The following ELP4 variants were observed in gnomAD, a reference collection of about 807,000 sequenced individuals.
The protein encoded by ELP4 is elongator complex protein 4.
A neutral mutation model predicts 48.9 loss-of-function variants in ELP4; 51 were observed. That is an observed-to-expected ratio of 1.04 (90% CI 0.83 to 1.32). The LOEUF is 1.32. Among genes scored for constraint, ELP4 ranks in the 40% most tolerant of loss-of-function variants. The pLI is 0.00. For synonymous variants in ELP4, 210 were observed against 189.2 expected (o/e 1.11, Z -0.90); for missense variants, 519 against 514.6 (o/e 1.01, Z -0.08).
intron 9 of ELP4, chr11:31,651,095 C>G (rs1480082955): frequency 6.6e-6 from 1 of 151,694 alleles, no homozygotes; most frequent in African/African-American, 2.4e-5. Flanking sequence ...AAATGATGGT[C>G]AATGTGGCTT....
At chr11:31,544,017 G>A (rs1332820062) in intron 3 of ELP4, among the ~76,000 whole-genome samples, 3 of 152,216 alleles carry the variant, frequency 2.0e-5, no homozygotes, top group Non-Finnish European at 4.4e-5. Context: ...GATCGGGGAG[G>A]AGCCAAGATG....
intron 2 of ELP4, among the ~76,000 whole-genome samples, chr11:31,526,478 C>A (rs553866296): frequency 7.2e-5 from 11 of 151,980 alleles, no homozygotes; most frequent in Admixed American, 1.3e-4. Flanking sequence ...TTTAAACCTT[C>A]AAACATCTAA....
chr11:31,596,929 C>T (rs952225602), intron 4 of ELP4, among the ~76,000 whole-genome samples: 1 of 151,902 alleles, frequency 6.6e-6, no homozygotes, highest in East Asian at 1.9e-4. Flanking sequence ...GAGAGAAATT[C>T]AAATGAAAAC....
intron 9 of ELP4, among the ~76,000 whole-genome samples, chr11:31,736,077 A>G (rs1171735884): frequency 2.6e-5 from 4 of 152,230 alleles, no homozygotes; most frequent in South Asian, 4.1e-4. Flanking sequence ...TTCAAACTAT[A>G]CTACAAGGCT....
At chr11:31,670,844 G>C (rs1413518383) in intron 9 of ELP4, among the ~76,000 whole-genome samples, 1 of 151,138 alleles carries the variant, frequency 6.6e-6, no homozygotes. Context: ...TTTTCATAAG[G>C]TTATTTTTTT....
At chr11:31,642,306 A>T (rs1945115513) in intron 7 of ELP4, among the ~76,000 whole-genome samples, 1 of 151,948 alleles carries the variant, frequency 6.6e-6, no homozygotes, top group African/African-American at 2.4e-5. Flanking sequence ...TATAAACAAT[A>T]TTTCTGAAAG....
At chr11:31,605,465 A>C (rs181452991) in intron 5 of ELP4, among the ~76,000 whole-genome samples, 1 of 152,230 alleles carries the variant, frequency 6.6e-6, no homozygotes, top group Admixed American at 6.5e-5. Context: ...AATAATAGTA[A>C]AGAGTGGAAC....
chr11:31,530,556 G>A lies in ELP4; in HGVS notation c.260-9106G>A, dbSNP rs184219979. Among the ~76,000 whole-genome samples the A allele has an allele frequency of 1.4e-3, 219 of 152,034 alleles. 2 individuals are homozygous for A. The highest frequency in any genetic ancestry group is 1.3e-4 in the Non-Finnish European group (9 of 67,958). On this transcript the variant is annotated intron_variant, in intron 2 of 9. Coordinates refer to ENST00000640961, the MANE Select transcript of ELP4 (RefSeq NM_019040.5). ...AAATTAGACAATTATAAAATAATTGGTGTTGGAGAGCAGTCTTGGTGGAGT... is the reference window on the plus strand; with the variant it reads ...AAATTAGACAATTATAAAATAATTGATGTTGGAGAGCAGTCTTGGTGGAGT...
At chr11:31,716,010 G>GT (rs1180118452) in intron 9 of ELP4, among the ~76,000 whole-genome samples, 10 of 151,452 alleles carry the variant, frequency 6.6e-5, no homozygotes, top group Admixed American at 6.6e-4. Flanking sequence ...GTACAAGGAG[G>GT]TTTGTTTGTT....
chr11:31,643,952 A>G (rs983579522), intron 7 of ELP4, among the ~76,000 whole-genome samples: 4 of 151,832 alleles, frequency 2.6e-5, no homozygotes, highest in African/African-American at 9.7e-5. Flanking sequence ...TTATGTTGCA[A>G]CAGAAAACTT....
intron 9 of ELP4, chr11:31,651,583 A>G (rs529945721): frequency 1.3e-5 from 2 of 151,964 alleles, no homozygotes; most frequent in East Asian, 3.9e-4. Context: ...TTCTGACAGA[A>G]TACTGAGTAA....
At chr11:31,555,913 G>T (rs1956923896) in intron 3 of ELP4, among the ~76,000 whole-genome samples, 2 of 151,924 alleles carry the variant, frequency 1.3e-5, no homozygotes, top group Non-Finnish European at 2.9e-5. Flanking sequence ...AAGAGATACA[G>T]TGTAGGGGGA....
At chr11:31,783,038 A>G (rs1948415030) in intron 9 of ELP4, among the ~76,000 whole-genome samples, 1 of 152,218 alleles carries the variant, frequency 6.6e-6, no homozygotes. Flanking sequence ...GAAAAAAGAC[A>G]TCTGCCGTTA....
chr11:31,607,600 C>T (rs533976106), intron 5 of ELP4, among the ~76,000 whole-genome samples: 3 of 152,342 alleles, frequency 2.0e-5, no homozygotes, highest in Admixed American at 1.3e-4. Flanking sequence ...AATACTATCA[C>T]ATTGACAACA....
chr11:31,619,049 G>T (rs1944558400), intron 5 of ELP4, among the ~76,000 whole-genome samples: 1 of 152,054 alleles, frequency 6.6e-6, no homozygotes, highest in East Asian at 1.9e-4. Context: ...TGGAGGCACT[G>T]AATTTTAGAA....
intron 9 of ELP4, among the ~76,000 whole-genome samples, chr11:31,731,820 A>G (rs967395010): frequency 2.6e-5 from 4 of 152,192 alleles, no homozygotes; most frequent in African/African-American, 9.6e-5. Context: ...AAACTGAATC[A>G]TCACAAACAA....
chr11:31,647,649 C>A, intron 7 of ELP4, 92 bp from the exon 8 acceptor site: 1 of 776,240 alleles, frequency 1.3e-6, no homozygotes, highest in Non-Finnish European at 2.2e-6. Context: ...ATCTCCACTA[C>A]AGTTTTTCAT....
chr11:31,723,949 TA>T (rs1487672525), intron 9 of ELP4, among the ~76,000 whole-genome samples: 5 of 152,152 alleles, frequency 3.3e-5, no homozygotes, highest in African/African-American at 9.7e-5. Context: ...AACTATCAAA[TA>T]AATAGGGTTG....
At chr11:31,647,293 C>T (rs763173186) in intron 7 of ELP4, 65 of 153,582 alleles carry the variant, frequency 4.2e-4, no homozygotes, top group Non-Finnish European at 4.5e-4. Context: ...AGCTGACAGA[C>T]GACAGTGGGA....
Sources: gnomAD v4.1 joint callset for allele counts (sites outside exome capture counted in the v4.1 genomes callset) on GRCh38, gnomAD v4.1.1 for gene constraint, MANE v1.5 for transcripts, NCBI Gene and HGNC (gene_info 2026-07-23, HGNC 2026-07-21) for gene names.